Variants in KIF26A observed in about 807,000 individuals in gnomAD.
KIF26A encodes the protein kinesin-like protein KIF26A.
KIF26A carries 74 observed loss-of-function variants against 126.0 expected under a neutral mutation model. That is an observed-to-expected ratio of 0.59 (90% CI 0.49 to 0.71). The LOEUF is 0.71. KIF26A is among the 30% of genes least tolerant of loss of function. KIF26A has a pLI of 0.00. For missense variants in KIF26A, 2,984 were observed against 2,763.3 expected (o/e 1.08, Z -1.79); for synonymous variants, 1,445 against 1,232.7 (o/e 1.17, Z -3.61).
Position 104,174,139 on chromosome 14 carries a change from G to A in KIF26A, c.2031-9G>A, listed in dbSNP as rs774016803. Reference sequence around the variant, plus strand: ...AAGGCCTTGGCATCTGAACCGCCTCGACCCGCAGGGACCACAGGCTCACCA... The same window carrying A: ...AAGGCCTTGGCATCTGAACCGCCTCAACCCGCAGGGACCACAGGCTCACCA... On this transcript the variant is annotated splice_polypyrimidine_tract_variant and intron_variant, in intron 10 of 14. Coordinates refer to ENST00000423312, the MANE Select transcript of KIF26A (RefSeq NM_015656.2). 1.5e-5 allele frequency: 23 copies of A among 1,553,016 alleles called. No homozygotes were observed. The highest frequency in any genetic ancestry group is 6.1e-5 in the South Asian group (5 of 82,402).
intron 3 of KIF26A, among the ~76,000 whole-genome samples, chr14:104,154,950 G>T (rs1345501089): frequency 6.6e-6 from 1 of 152,150 alleles, no homozygotes; most frequent in Non-Finnish European, 1.5e-5. Context: ...GGTGTCCCGT[G>T]GTCCTCACGG....
Position 104,176,817 on chromosome 14 carries a change from G to T in KIF26A, c.4029G>T (p.Lys1343Asn). ...SGSLKASPTS[K>N]KGLAPKAGFL... ...GCCTGAAGGCCTCCCCCACCAGCAA[G>T]AAGGGTCTGGCTCCCAAGGCGGGCT... Residue 1343 changes from lysine (K) to asparagine (N), a missense_variant, in exon 12 of 15, where the codon AAG becomes AAT. Coordinates refer to ENST00000423312, the MANE Select transcript of KIF26A (RefSeq NM_015656.2). 6.4e-7 allele frequency: 1 copy of T among 1,557,680 alleles called. No homozygotes were observed. Among genetic ancestry groups the T allele is most frequent in the Non-Finnish European group, 8.7e-7 (1 of 1,152,230 alleles).
intron 3 of KIF26A, among the ~76,000 whole-genome samples, chr14:104,153,038 C>T (rs529005550): frequency 8.5e-5 from 13 of 152,288 alleles, no homozygotes; most frequent in African/African-American, 2.9e-4. Context: ...TCGCCCTTCT[C>T]CCTTGGTCTC....
intron 12 of KIF26A, 110 bp downstream of exon 12, chr14:104,178,008 C>G (rs559804704): frequency 1.6e-6 from 2 of 1,216,362 alleles, no homozygotes; most frequent in Non-Finnish European, 2.2e-6. Flanking sequence ...ATGGGCACAG[C>G]CTTCAAGGTC....
Position 104,176,921 on chromosome 14 carries a change from C to T in KIF26A, c.4133C>T (p.Ala1378Val), listed in dbSNP as rs11852063. ...AGCCTGGAGCAGAGGAGCAGCCCGGCCTCGGCCCCTCCGCATGCTGTGAAC... is the reference window on the plus strand; with the variant it reads ...AGCCTGGAGCAGAGGAGCAGCCCGGTCTCGGCCCCTCCGCATGCTGTGAAC... Reference protein sequence around the residue: ...KSSLEQRSSPASAPPHAVNPA... With the variant: ...KSSLEQRSSPVSAPPHAVNPA... Residue 1378 changes from alanine to valine, a missense_variant, in exon 12 of 15, where the codon GCC (alanine) becomes GTC (valine). Coordinates refer to ENST00000423312, the MANE Select transcript of KIF26A (RefSeq NM_015656.2). The T allele has an allele frequency of 9.0e-4, 1,390 of 1,537,184 alleles. 15 individuals are homozygous for T. The African/African-American group carries it at 0.017, about 19-fold the overall frequency.
At chr14:104,167,437 A>C (rs1369050429) in intron 5 of KIF26A, among the ~76,000 whole-genome samples, 1 of 152,106 alleles carries the variant, frequency 6.6e-6, no homozygotes, top group African/African-American at 2.4e-5. Flanking sequence ...TGCTCTCCAG[A>C]GTCACCGTGT....
rs551135321 is a variant in KIF26A at position 104,175,397 on chromosome 14, G to C, written c.2609G>C (p.Ser870Thr). 6.3e-7 allele frequency: 1 copy of C among 1,596,604 alleles called. No individual in the cohort carries two copies. The highest frequency in any genetic ancestry group is 1.3e-5 in the African/African-American group (1 of 74,980). The change falls in exon 12 of 15, where the codon AGC becomes ACC. Residue 870 changes from serine (S) to threonine (T), a missense_variant. Physicochemically the swap from Ser to Thr is moderately conservative, Grantham distance 58. Transcript: ENST00000423312. Reference sequence around the variant, plus strand: ...GGTGGCACCGACGGAGCTCAGGCCAGCCCCGCCCGAGGGGGCCGGAAGCCC... The same window carrying C: ...GGTGGCACCGACGGAGCTCAGGCCACCCCCGCCCGAGGGGGCCGGAAGCCC... ...GPGGTDGAQA[S>T]PARGGRKPSP...
intron 3 of KIF26A, among the ~76,000 whole-genome samples, chr14:104,156,103 TG>T (rs775334305): frequency 2.6e-5 from 4 of 152,194 alleles, no homozygotes; most frequent in Non-Finnish European, 5.9e-5. Flanking sequence ...GAACTGGCCC[TG>T]GGTGCTGACT....
At chr14:104,170,841 CT>C (rs1164588674) in intron 5 of KIF26A, among the ~76,000 whole-genome samples, 2 of 152,274 alleles carry the variant, frequency 1.3e-5, no homozygotes, top group African/African-American at 4.8e-5. Context: ...CGTCTGCCCC[CT>C]CTCAGGGTAC....
At position 104,172,969 on chromosome 14, in the gene KIF26A, G is replaced by T. The variant is rs1481292395; in HGVS notation, c.1421-8G>T. ...TGTGGTGGGGCCTGACGCCTGCGTG[G>T]CCCCCAGGCAAGTCGTACACCATGA... On this transcript the variant is annotated splice_region_variant and splice_polypyrimidine_tract_variant and intron_variant, in intron 7 of 14. Coordinates refer to ENST00000423312, the MANE Select transcript of KIF26A (RefSeq NM_015656.2). The T allele has an allele frequency of 3.2e-6, 5 of 1,581,588 alleles. No individual in the cohort carries two copies. Among genetic ancestry groups the T allele is most frequent in the Non-Finnish European group, 4.3e-6 (5 of 1,160,742 alleles).
chr14:104,165,986 G>T (rs568297407), intron 4 of KIF26A, among the ~76,000 whole-genome samples: 4 of 152,156 alleles, frequency 2.6e-5, no homozygotes, highest in African/African-American at 9.7e-5. Context: ...CCTGTGGTCC[G>T]GGGGCTTTGG....
intron 2 of KIF26A, among the ~76,000 whole-genome samples, chr14:104,142,290 G>A (rs2037644564): frequency 6.6e-6 from 1 of 152,118 alleles, no homozygotes; most frequent in African/African-American, 2.4e-5. Context: ...GGGTGTGGAG[G>A]GGAAGCCCCA....
At chr14:104,173,991 C>G in intron 10 of KIF26A, 123 bp downstream of exon 10, 1 of 1,408,124 alleles carries the variant, frequency 7.1e-7, no homozygotes, top group Non-Finnish European at 9.4e-7. Flanking sequence ...CCTCCACCAC[C>G]TGACAGGCCT....
chr14:104,173,427 G>T lies in KIF26A; in HGVS notation c.1781G>T (p.Cys594Phe). 1 of 1,585,774 alleles carries T rather than the reference G, an allele frequency of 6.3e-7. No individual in the cohort carries two copies. Among genetic ancestry groups the T allele is most frequent in the East Asian group, 2.3e-5 (1 of 43,188 alleles). ...LAARSTSRAGCGEDARRSSHM... is the reference protein window; with the variant it reads ...LAARSTSRAGFGEDARRSSHM... Reference sequence around the variant, plus strand: ...GCCCGCAGCACCAGCCGAGCGGGCTGTGGCGAGGACGCCCGACGCAGCTCC... The same window carrying T: ...GCCCGCAGCACCAGCCGAGCGGGCTTTGGCGAGGACGCCCGACGCAGCTCC... Residue 594 changes from cysteine to phenylalanine, a missense_variant, in exon 9 of 15, where the codon TGT (cysteine) becomes TTT (phenylalanine). By Grantham distance (205) the Cys-to-Phe change is radical. Coordinates refer to ENST00000423312, the MANE Select transcript of KIF26A (RefSeq NM_015656.2).
intron 11 of KIF26A, 21 bp downstream of exon 11, chr14:104,174,331 G>A (rs368528490): frequency 1.3e-4 from 197 of 1,503,380 alleles, no homozygotes; most frequent in African/African-American, 2.5e-4. Context: ...CCTCCTGCCC[G>A]CCCCATCTCG....
chr14:104,155,056 C>T (rs907149036), intron 3 of KIF26A, among the ~76,000 whole-genome samples: 2 of 152,130 alleles, frequency 1.3e-5, no homozygotes, highest in South Asian at 2.1e-4. Flanking sequence ...CGTGGGTGGG[C>T]GAGTCCGCCC....
At chr14:104,153,302 C>T (rs1224904783) in intron 3 of KIF26A, among the ~76,000 whole-genome samples, 1 of 152,072 alleles carries the variant, frequency 6.6e-6, no homozygotes, top group African/African-American at 2.4e-5. Context: ...CCCTAGGGGT[C>T]GAGGTACGCC....
At chr14:104,153,069 G>T (rs1387184586) in intron 3 of KIF26A, among the ~76,000 whole-genome samples, 1 of 152,158 alleles carries the variant, frequency 6.6e-6, no homozygotes, top group Non-Finnish European at 1.5e-5. Flanking sequence ...GGTGTTTCCA[G>T]GGGCAGACAG....
At chr14:104,164,389 G>C (rs1248200717) in intron 4 of KIF26A, among the ~76,000 whole-genome samples, 2 of 152,200 alleles carry the variant, frequency 1.3e-5, no homozygotes, top group East Asian at 3.9e-4. Context: ...CTGTTGGGAG[G>C]TGGTGACACC....
Sources: allele counts gnomAD v4.1 joint callset (sites outside exome capture counted in the v4.1 genomes callset), GRCh38; gene constraint gnomAD v4.1.1; transcripts MANE v1.5; gene names NCBI Gene and HGNC (gene_info 2026-07-23, HGNC 2026-07-21).